The following TNNI3K variants were observed in gnomAD, a reference collection of about 807,000 sequenced individuals.
The protein encoded by TNNI3K is serine/threonine-protein kinase TNNI3K.
A neutral mutation model predicts 114.5 loss-of-function variants in TNNI3K; 140 were observed. That is an observed-to-expected ratio of 1.22 (90% CI 1.07 to 1.41). The LOEUF is 1.41. Ranked by LOEUF, TNNI3K falls within the 40% of genes most tolerant of loss-of-function variation. The probability of loss-of-function intolerance (pLI) is 0.00; values close to 1 mark genes in which losing one functional copy is unlikely to be tolerated. For missense variants in TNNI3K, 1,125 were observed against 1,007.6 expected, an observed-to-expected ratio of 1.12 and a Z score of -1.58; for synonymous variants, 347 against 347.5, an observed-to-expected ratio of 1.00 and a Z score of 0.02.
chr1:74,482,281 A>G (rs1313843127), intron 21 of TNNI3K, among the ~76,000 whole-genome samples: 1 of 152,166 alleles, frequency 6.6e-6, no homozygotes, highest in Admixed American at 6.5e-5. Context: ...CTCTGTATTT[A>G]TGAAATCTAA....
At chr1:74,349,842 T>A (rs957058678) in intron 9 of TNNI3K, among the ~76,000 whole-genome samples, 2 of 152,314 alleles carry the variant, frequency 1.3e-5, no homozygotes, top group Admixed American at 6.5e-5. Flanking sequence ...TTTTATTGCG[T>A]CTATTTGATT....
At chr1:74,351,832 A>G (rs1661364537) in intron 9 of TNNI3K, among the ~76,000 whole-genome samples, 1 of 151,466 alleles carries the variant, frequency 6.6e-6, no homozygotes, top group Non-Finnish European at 1.5e-5. Flanking sequence ...TCCTTTAAGG[A>G]CTTCTCTGCA....
At chr1:74,404,698 A>T (rs1664531020) in intron 17 of TNNI3K, among the ~76,000 whole-genome samples, 1 of 152,178 alleles carries the variant, frequency 6.6e-6, no homozygotes, top group South Asian at 2.1e-4. Context: ...GATCTCCCAG[A>T]CTATGGACTC....
chr1:74,366,450 A>G (rs1466614256), intron 11 of TNNI3K: 1 of 151,994 alleles, frequency 6.6e-6, no homozygotes, highest in Admixed American at 6.6e-5. Flanking sequence ...TGGTGGTGTT[A>G]TAATAGAAAA....
intron 17 of TNNI3K, among the ~76,000 whole-genome samples, chr1:74,427,631 T>A (rs1418661619): frequency 4.6e-5 from 7 of 152,124 alleles, no homozygotes; most frequent in Non-Finnish European, 8.8e-5. Context: ...AAACAAATTA[T>A]ATATAATGAA....
At chr1:74,263,665 G>A (rs1240570117) in intron 4 of TNNI3K, among the ~76,000 whole-genome samples, 1 of 151,768 alleles carries the variant, frequency 6.6e-6, no homozygotes, top group African/African-American at 2.4e-5. Context: ...TACAGTTAGG[G>A]AAATGGAGGC....
At chr1:74,461,064 G>T (rs747467901) in intron 20 of TNNI3K, among the ~76,000 whole-genome samples, 8 of 150,874 alleles carry the variant, frequency 5.3e-5, no homozygotes, top group Non-Finnish European at 7.4e-5. Context: ...TGTACTTACA[G>T]CTACACCAGC....
chr1:74,303,864 A>T (rs1354590979), intron 5 of TNNI3K, among the ~76,000 whole-genome samples: 1 of 152,172 alleles, frequency 6.6e-6, no homozygotes, highest in Non-Finnish European at 1.5e-5. Flanking sequence ...GCAGAAGTTG[A>T]TTCCAGCCCT....
At chr1:74,511,028 C>T (rs868022635) in intron 23 of TNNI3K, among the ~76,000 whole-genome samples, 7 of 152,008 alleles carry the variant, frequency 4.6e-5, no homozygotes, top group African/African-American at 7.3e-5. Context: ...GCTGGAATTA[C>T]AGGCGTCTGC....
intron 23 of TNNI3K, among the ~76,000 whole-genome samples, chr1:74,505,575 A>G (rs1178846250): frequency 6.6e-6 from 1 of 152,166 alleles, no homozygotes; most frequent in Non-Finnish European, 1.5e-5. Context: ...TTTCACCTTT[A>G]ACATCTTCCA....
chr1:74,438,232 A>G (rs930952429), intron 19 of TNNI3K, among the ~76,000 whole-genome samples: 6 of 151,892 alleles, frequency 4.0e-5, no homozygotes, highest in Non-Finnish European at 1.5e-5. Flanking sequence ...TCCCACATAT[A>G]CAATGTTGTG....
At chr1:74,480,886 A>G (rs1353556127) in intron 21 of TNNI3K, 1 of 717,480 alleles carries the variant, frequency 1.4e-6, no homozygotes, top group Non-Finnish European at 2.6e-6. Flanking sequence ...GGGCAAGATT[A>G]AACAAGAGAG....
chr1:74,377,293 G>A (rs1662956399), intron 17 of TNNI3K: 1 of 151,826 alleles, frequency 6.6e-6, no homozygotes, highest in Non-Finnish European at 1.5e-5. Context: ...TTTGTGTATC[G>A]ACTTACTCAG....
intron 20 of TNNI3K, among the ~76,000 whole-genome samples, chr1:74,445,845 C>T (rs1453839619): frequency 1.3e-5 from 2 of 152,002 alleles, no homozygotes; most frequent in Admixed American, 6.6e-5. Context: ...CTCCTGACCT[C>T]GTGATCCGCC....
chr1:74,475,521 T>A (rs1427023871), intron 21 of TNNI3K: 2 of 717,000 alleles, frequency 2.8e-6, no homozygotes, highest in Admixed American at 4.0e-5. Context: ...GGTTTCTAAA[T>A]GATCCGTCAA....
chr1:74,259,493 A>C (rs900675063), intron 4 of TNNI3K, among the ~76,000 whole-genome samples: 1 of 152,214 alleles, frequency 6.6e-6, no homozygotes, highest in Admixed American at 6.5e-5. Context: ...CTACTAATGA[A>C]AATGCTGGCA....
At chr1:74,518,873 C>CTTTTTTTTTTTTTTTTTT (rs1646388103) in intron 23 of TNNI3K, among the ~76,000 whole-genome samples, 1 of 100,356 alleles carries the variant, frequency 1.0e-5, no homozygotes. Context: ...TTTTTTTTCC[C>CTTTTTTTTTTTTTTTTTT]CTTTTTTTTT....
chr1:74,248,786 G>A (rs1333692021), intron 2 of TNNI3K, among the ~76,000 whole-genome samples: 1 of 152,056 alleles, frequency 6.6e-6, no homozygotes. Flanking sequence ...CTCAAGGCAG[G>A]TCATAGAAAC....
intron 23 of TNNI3K, among the ~76,000 whole-genome samples, chr1:74,523,795 C>G (rs1411178982): frequency 6.6e-6 from 1 of 152,142 alleles, no homozygotes; most frequent in Non-Finnish European, 1.5e-5. Context: ...TAAAATTATA[C>G]TTAAGTTCTG....
Sources: allele counts gnomAD v4.1 joint callset (sites outside exome capture counted in the v4.1 genomes callset), GRCh38; gene constraint gnomAD v4.1.1; transcripts MANE v1.5; gene names NCBI Gene and HGNC (gene_info 2026-07-23, HGNC 2026-07-21).